Variants in GALM observed in about 807,000 individuals in gnomAD.
GALM encodes aldose 1-epimerase.
GALM carries 43 observed loss-of-function variants against 37.4 expected under a neutral mutation model. That is an observed-to-expected ratio of 1.15 (90% CI 0.90 to 1.48). The LOEUF (loss-of-function observed/expected upper bound fraction) is 1.48. Among genes scored for constraint, GALM ranks in the 40% most tolerant of loss-of-function variants. GALM has a pLI of 0.00. For missense variants in GALM, 456 were observed against 419.1 expected (o/e 1.09, Z -0.77); for synonymous variants, 199 against 170.6 (o/e 1.17, Z -1.30).
At chr2:38,731,028 C>T (rs1449633546) in intron 5 of GALM, among the ~76,000 whole-genome samples, 6 of 151,908 alleles carry the variant, frequency 3.9e-5, no homozygotes, top group Non-Finnish European at 5.9e-5. Context: ...TAGTTCAAGA[C>T]CAGTTGGGCC....
intron 3 of GALM, among the ~76,000 whole-genome samples, chr2:38,686,278 T>TTCTTTC (rs1665530987): frequency 1.0e-5 from 1 of 100,368 alleles, no homozygotes; most frequent in African/African-American, 4.0e-5. Flanking sequence ...CTTTCTTTCT[T>TTCTTTC]ATTTTGAGAT....
At chr2:38,667,033 G>A (rs1157156406) in intron 1 of GALM, among the ~76,000 whole-genome samples, 1 of 152,158 alleles carries the variant, frequency 6.6e-6, no homozygotes, top group African/African-American at 2.4e-5. Context: ...CATTAAACAG[G>A]ACAGACAAGG....
chr2:38,666,154 C>T lies in GALM; in HGVS notation c.-8C>T, dbSNP rs780230051. ...GCGGGCAGTGGCTGCACACGCCAAA[C>T]TTTCCCTATGGCTTCGGTGACCAGG... On this transcript the variant is annotated 5_prime_UTR_variant, in exon 1 of 7. Coordinates refer to ENST00000272252, the MANE Select transcript of GALM (RefSeq NM_138801.3). The T allele has an allele frequency of 6.2e-7, 1 of 1,607,832 alleles. No individual in the cohort carries two copies. Among genetic ancestry groups the T allele is most frequent in the Non-Finnish European group, 8.5e-7 (1 of 1,176,584 alleles).
chr2:38,733,527 T>C lies in GALM; in HGVS notation c.991T>C (p.Tyr331His). The C allele has an allele frequency of 6.2e-7, 1 of 1,613,896 alleles. No individual in the cohort carries two copies. Among genetic ancestry groups the C allele is most frequent in the Non-Finnish European group, 8.5e-7 (1 of 1,179,862 alleles). ...PPVLLRPGEE[Y>H]DHTTWFKFSV... is the part of the protein sequence containing the mutation. ...TGTGCTGCTGAGGCCTGGTGAGGAG[T>C]ATGACCACACCACCTGGTTCAAGTT... The change falls in exon 7 of 7, where the codon TAT (tyrosine) becomes CAT (histidine). Residue 331 changes from tyrosine to histidine, a missense_variant. Coordinates refer to ENST00000272252, the MANE Select transcript of GALM (RefSeq NM_138801.3).
chr2:38,688,131 G>C (rs1665586230), intron 3 of GALM, among the ~76,000 whole-genome samples: 1 of 151,752 alleles, frequency 6.6e-6, no homozygotes, highest in South Asian at 2.1e-4. Flanking sequence ...AGAATTGCTT[G>C]AACCTGGGAG....
In GALM at chr2:38,667,828, C is replaced by A. The variant is rs1015828801; in HGVS notation, c.190+1477C>A. ...CTCCAGCCTGGGCGACAGAGTGAGA[C>A]CCCATCTCAAAAAAATAAAAATATA... On this transcript the variant is annotated intron_variant, in intron 1 of 6. Transcript: ENST00000272252. 1.4e-4 allele frequency among the ~76,000 whole-genome samples: 21 copies of A among 152,206 alleles called. No individual in the cohort carries two copies. In the East Asian group the frequency reaches 4.1e-3, roughly 30 times the overall value.
chr2:38,702,822 T>A (rs1337377490), intron 4 of GALM, among the ~76,000 whole-genome samples: 1 of 150,230 alleles, frequency 6.7e-6, no homozygotes, highest in Non-Finnish European at 1.5e-5. Context: ...ATCCTAGGAA[T>A]TAACTATTGC....
At chr2:38,683,478 T>G (rs955206244) in intron 3 of GALM, among the ~76,000 whole-genome samples, 1 of 152,198 alleles carries the variant, frequency 6.6e-6, no homozygotes, top group Non-Finnish European at 1.5e-5. Context: ...ATCTGAAAAC[T>G]CGAAATCTGG....
chr2:38,726,438 G>T (rs1425278135), intron 4 of GALM, among the ~76,000 whole-genome samples: 1 of 151,006 alleles, frequency 6.6e-6, no homozygotes, highest in Non-Finnish European at 1.5e-5. Context: ...GTTTTAGCCG[G>T]GATGGTCTCG....
In GALM at chr2:38,681,337, G is replaced by A. The variant is rs761257549; in HGVS notation, c.403G>A (p.Asp135Asn). The A allele has an allele frequency of 6.2e-7, 1 of 1,614,090 alleles. No individual in the cohort carries two copies. The highest frequency in any genetic ancestry group is 8.5e-7 in the Non-Finnish European group (1 of 1,180,038). ...NGVQFSRISP[D>N]GEEGYPGELK... ...CGTCCAGTTCTCGCGCATCAGTCCA[G>A]ATGGTGAAGAAGGCTACCCCGGAGA... The change falls in exon 3 of 7, where the codon GAT becomes AAT. Residue 135 changes from aspartate to asparagine, a missense_variant. Transcript: ENST00000272252.
intron 2 of GALM, among the ~76,000 whole-genome samples, chr2:38,679,562 C>G (rs557756467): frequency 6.6e-6 from 1 of 152,150 alleles, no homozygotes; most frequent in African/African-American, 2.4e-5. Flanking sequence ...TTATGTAAAG[C>G]ACCAGGTCAT....
intron 1 of GALM, chr2:38,669,207 C>T (rs1003255428): frequency 1.3e-5 from 2 of 152,212 alleles, no homozygotes; most frequent in African/African-American, 4.8e-5. Flanking sequence ...GCAGACAGCC[C>T]GGCACTACGC....
chr2:38,709,117 C>T (rs1245793652), intron 4 of GALM, among the ~76,000 whole-genome samples: 1 of 151,710 alleles, frequency 6.6e-6, no homozygotes, highest in Non-Finnish European at 1.5e-5. Flanking sequence ...AGACAGTGGG[C>T]CTAGACAGGT....
At chr2:38,704,204 A>T (rs1221621853) in intron 4 of GALM, among the ~76,000 whole-genome samples, 6 of 144,560 alleles carry the variant, frequency 4.2e-5, no homozygotes, top group African/African-American at 5.0e-5. Context: ...TTATTTTATT[A>T]TTTTTTTTTT....
rs1390552721 is a variant in GALM, at chr2:38,666,168, T to A, written c.7T>A (p.Ser3Thr). 17 of 1,611,074 alleles carry A rather than the reference T, an allele frequency of 1.1e-5. No homozygotes were observed. Among genetic ancestry groups the A allele is most frequent in the Non-Finnish European group, 1.2e-5 (14 of 1,178,436 alleles). ...CACACGCCAAACTTTCCCTATGGCT[T>A]CGGTGACCAGGGCCGTGTTTGGAGA... is the stretch of plus-strand genomic sequence containing the variant. MASVTRAVFGELP... is the reference protein window; with the variant it reads MATVTRAVFGELP... Residue 3 changes from serine (S) to threonine (T), a missense_variant, in exon 1 of 7, where the codon TCG (serine) becomes ACG (threonine). By Grantham distance (58) the Ser-to-Thr change is moderately conservative (BLOSUM62 1). Transcript: ENST00000272252.
intron 2 of GALM, among the ~76,000 whole-genome samples, chr2:38,677,379 C>G (rs1665283804): frequency 6.6e-6 from 1 of 152,188 alleles, no homozygotes; most frequent in Admixed American, 6.5e-5. Context: ...TTCCCCGCCT[C>G]CATGAGCTTC....
At chr2:38,691,074 A>T (rs1665661913) in intron 4 of GALM, among the ~76,000 whole-genome samples, 1 of 152,248 alleles carries the variant, frequency 6.6e-6, no homozygotes, top group South Asian at 2.1e-4. Flanking sequence ...TCCTAGAGGC[A>T]GAATTACTGC....
intron 3 of GALM, among the ~76,000 whole-genome samples, chr2:38,682,458 A>C (rs1455937341): frequency 1.3e-5 from 2 of 152,140 alleles, no homozygotes; most frequent in Admixed American, 1.3e-4. Flanking sequence ...TTTGCTGATG[A>C]TCTGCTGGAT....
chr2:38,666,334 G>T lies in GALM; in HGVS notation c.173G>T (p.Gly58Val), dbSNP rs1213726006. The T allele has an allele frequency of 1.2e-6, 2 of 1,612,178 alleles. No individual in the cohort carries two copies. The highest frequency in any genetic ancestry group is 2.2e-5 in the South Asian group (2 of 90,874). Reference protein sequence around the residue: ...RQGRASDVVLGFAELEGYLQK... With the variant: ...RQGRASDVVLVFAELEGYLQK... ...GGGAGAGCCTCGGACGTGGTGCTTG[G>T]CTTCGCCGAGTTGGAAGGTGGGTTG... is the stretch of plus-strand genomic sequence containing the variant. Residue 58 changes from glycine to valine, a missense_variant, in exon 1 of 7, where the codon GGC becomes GTC. Transcript: ENST00000272252.
Sources: gnomAD v4.1 joint callset for allele counts (sites outside exome capture counted in the v4.1 genomes callset) on GRCh38, gnomAD v4.1.1 for gene constraint, MANE v1.5 for transcripts, NCBI Gene and HGNC (gene_info 2026-07-23, HGNC 2026-07-21) for gene names.